Variants in PSMC3 observed in about 807,000 individuals in gnomAD.
PSMC3 encodes proteasome 26S subunit, ATPase 3.
Under a neutral mutation model 52.0 loss-of-function variants are expected in PSMC3, and 11 were observed. That is an observed-to-expected ratio of 0.21 (90% CI 0.13 to 0.35). PSMC3 has a LOEUF of 0.35. PSMC3 is among the 10% of genes least tolerant of loss of function. PSMC3 has a pLI of 1.00. For missense variants in PSMC3, 238 were observed against 567.1 expected (o/e 0.42, Z 5.89); for synonymous variants, 201 against 218.8 (o/e 0.92, Z 0.72).
At position 47,422,544 on chromosome 11, in the gene PSMC3, G is replaced by A; in HGVS notation, c.884+30C>T. 6.2e-7 allele frequency: 1 copy of A among 1,612,126 alleles called. No homozygotes were observed. Among genetic ancestry groups the A allele is most frequent in the East Asian group, 2.2e-5 (1 of 44,836 alleles). ...ACCCGCTTCCCCTTACCGCCACAGA[G>A]ATCGCTAGGGACCCTTGGCCCTCCC... On this transcript the variant is annotated intron_variant, in intron 8 of 11. Transcript: ENST00000298852. The surrounding 1 kb of genome is among the most constrained non-coding windows in gnomAD (Gnocchi z 4.3).
intron 9 of PSMC3, 105 bp from the exon 10 acceptor site, chr11:47,420,514 T>C: frequency 1.3e-6 from 2 of 1,525,342 alleles, no homozygotes; most frequent in South Asian, 1.2e-5. Context: ...GTGAGACACA[T>C]GGGATGTTAA....
rs141325867 is a variant in PSMC3 at position 47,422,103 on chromosome 11, C to T, written c.884+471G>A. 0.019 allele frequency among the ~76,000 whole-genome samples: 2,792 copies of T among 150,904 alleles called. 32 individuals carry two copies. Among genetic ancestry groups the T allele is most frequent in the African/African-American group, 0.029 (1,180 of 41,030 alleles). On this transcript the variant is annotated intron_variant, in intron 8 of 11. Transcript: ENST00000298852. This position sits in a 1 kb window ranked among gnomAD's most constrained non-coding sequence, Gnocchi z 4.3. The stretch of plus-strand genomic sequence containing the variant: ...CTTTCACCAGGCTGGAGTGCAGTGG[C>T]GCAATCTTGGCTCACTCCAATCTCT...
At position 47,426,326 on chromosome 11, in the gene PSMC3, G is replaced by T; in HGVS notation, c.-47C>A. The T allele has an allele frequency of 1.4e-6, 2 of 1,473,986 alleles. No homozygotes were observed. The highest frequency in any genetic ancestry group is 1.8e-6 in the Non-Finnish European group (2 of 1,083,832). The allele number at this position is 1,473,986 out of a possible 1,614,324, so 91.3% of individuals were successfully genotyped here. On this transcript the variant is annotated 5_prime_UTR_variant, in exon 1 of 12. Coordinates refer to ENST00000298852, the MANE Select transcript of PSMC3 (RefSeq NM_002804.5). ...GATGGGACCAGGCGGGAGCCGCAAC[G>T]GGAGATTAATACCGTCTTTCTTAAA...
At position 47,425,891 on chromosome 11, in the gene PSMC3, T is replaced by A. The variant is rs1452887727; in HGVS notation, c.135A>T (p.Thr45=). 1 of 1,614,086 alleles carries A rather than the reference T, an allele frequency of 6.2e-7. No homozygotes were observed. Among genetic ancestry groups the A allele is most frequent in the Non-Finnish European group, 8.5e-7 (1 of 1,179,894 alleles). The part of the protein sequence containing the change: ...KMSTEEIIQR[T]RLLDSEIKIM... ...CCTTGATCTCACTGTCCAGCAGCCG[T>A]GTGCGCTGGATGATCTCCTCCGTGG... is the stretch of plus-strand genomic sequence containing the variant. The change falls in exon 2 of 12, where the codon ACA becomes ACT. Residue 45 remains threonine (T), a synonymous_variant. Coordinates refer to ENST00000298852, the MANE Select transcript of PSMC3 (RefSeq NM_002804.5).
chr11:47,420,887 T>C (rs1485183011), intron 8 of PSMC3, among the ~76,000 whole-genome samples, 160 bp from the exon 9 acceptor site: 1 of 152,194 alleles, frequency 6.6e-6, no homozygotes, highest in Non-Finnish European at 1.5e-5. Flanking sequence ...AAAAGTGTCA[T>C]TAATTGTTGA....
intron 8 of PSMC3, 66 bp from the exon 9 acceptor site, chr11:47,420,793 C>T (rs2096039573): frequency 2.8e-6 from 4 of 1,445,390 alleles, no homozygotes; most frequent in Non-Finnish European, 1.9e-6. Context: ...CCCTCCTCTA[C>T]CCCCTGGAAG....
chr11:47,424,838 G>T lies in PSMC3; in HGVS notation c.286-127C>A, dbSNP rs968516512. On this transcript the variant is annotated intron_variant, in intron 3 of 11. Transcript: ENST00000298852. This position sits in a 1 kb window ranked among gnomAD's most constrained non-coding sequence, Gnocchi z 4.8. ...TCCAATAGCCCTGAGCCCACCAAAC[G>T]TGGGTGCCCCTGCTAAGCCCAGGGA... 2.6e-5 allele frequency: 24 copies of T among 916,672 alleles called. No homozygotes were observed. The highest frequency in any genetic ancestry group is 1.2e-4 in the Admixed American group (6 of 49,002). The allele number at this position is 916,672 out of a possible 1,614,324, so 56.8% of individuals were successfully genotyped here. A position where few individuals can be genotyped will look rare whatever the true frequency, so the allele number is the denominator to read the frequency against.
At position 47,422,863 on chromosome 11, in the gene PSMC3, G is replaced by T. The variant is rs941164953; in HGVS notation, c.702C>A (p.Thr234=). 1.9e-6 allele frequency: 3 copies of T among 1,612,908 alleles called. No homozygotes were observed. The highest frequency in any genetic ancestry group is 2.5e-6 in the Non-Finnish European group (3 of 1,179,328). Residue 234 remains threonine, a synonymous_variant, in exon 7 of 12, where the codon ACC becomes ACA. Coordinates refer to ENST00000298852, the MANE Select transcript of PSMC3 (RefSeq NM_002804.5). The surrounding 1 kb of genome is among the most constrained non-coding windows in gnomAD (Gnocchi z 4.3). ...LMYGPPGTGK[T]LLARACAAQT... is the part of the protein sequence containing the mutation. ...GTGCGGCACAGGCCCGGGCCAGGAGGGTCTTCCCCGTCCCTGGGGGCCCAT... is the reference window on the plus strand; with the variant it reads ...GTGCGGCACAGGCCCGGGCCAGGAGTGTCTTCCCCGTCCCTGGGGGCCCAT...
chr11:47,423,934 C>T, intron 6 of PSMC3, 112 bp downstream of exon 6: 2 of 1,469,402 alleles, frequency 1.4e-6, no homozygotes, highest in Non-Finnish European at 1.9e-6. Flanking sequence ...CCCTCCCTTC[C>T]TCCCTAGGTT....
At chr11:47,420,162 T>A in intron 10 of PSMC3, 102 bp downstream of exon 10, 1 of 1,373,472 alleles carries the variant, frequency 7.3e-7, no homozygotes. Flanking sequence ...GCCTGGGAGG[T>A]GGTGGTCGTG....
At chr11:47,425,619 AT>A (rs1315814735) in intron 2 of PSMC3, 10 of 549,700 alleles carry the variant, frequency 1.8e-5, no homozygotes. Flanking sequence ...TGAGAGGATT[AT>A]TCCCAGTTCT....
At chr11:47,419,257 A>T in intron 10 of PSMC3, 60 bp from the exon 11 acceptor site, 2 of 1,564,596 alleles carry the variant, frequency 1.3e-6, no homozygotes, top group Non-Finnish European at 1.8e-6. Flanking sequence ...AGAGGGGCCA[A>T]ATATCCTCCC....
At chr11:47,420,132 C>A in intron 10 of PSMC3, 132 bp downstream of exon 10, 2 of 1,073,054 alleles carry the variant, frequency 1.9e-6, no homozygotes, top group Non-Finnish European at 2.8e-6. Context: ...GCGTGTGGAA[C>A]GGTGCTGTGT....
chr11:47,426,175 TC>T (rs1405012433), intron 1 of PSMC3, 29 bp downstream of exon 1: 2 of 1,549,746 alleles, frequency 1.3e-6, no homozygotes, highest in Non-Finnish European at 1.7e-6. Flanking sequence ...GGGCCCCGGT[TC>T]CCGGACCGCC....
intron 10 of PSMC3, 133 bp from the exon 11 acceptor site, chr11:47,419,330 G>T: frequency 1.2e-6 from 1 of 859,406 alleles, no homozygotes; most frequent in Non-Finnish European, 1.9e-6. Context: ...CTTACTCAAT[G>T]CGCCTTGTTT....
rs373681287 is a variant in PSMC3 at position 47,424,490 on chromosome 11, G to A, written c.392C>T (p.Thr131Met). 3.1e-6 allele frequency: 5 copies of A among 1,614,126 alleles called. No homozygotes were observed. Among genetic ancestry groups the A allele is most frequent in the African/African-American group, 1.3e-5 (1 of 75,038 alleles). The change falls in exon 5 of 12, where the codon ACG becomes ATG. Residue 131 changes from threonine to methionine, a missense_variant and splice_region_variant. Thr to Met is a moderately conservative substitution (Grantham distance 81). This residue lies in a region of PSMC3 where 60 missense variants were observed against 117.3 expected (regional missense o/e 0.51). Transcript: ENST00000298852. The surrounding 1 kb of genome is among the most constrained non-coding windows in gnomAD (Gnocchi z 4.8). ...CAVIKTSTRQ[T>M]YFLPVIGLVD... is the part of the protein sequence containing the mutation. ...CAACCCAATCACAGGAAGGAAGTACGTCTGTGGACAAGTTACAGGGGCAGT... is the reference window on the plus strand; with the variant it reads ...CAACCCAATCACAGGAAGGAAGTACATCTGTGGACAAGTTACAGGGGCAGT...
chr11:47,422,496 C>T lies in PSMC3; in HGVS notation c.884+78G>A. On this transcript the variant is annotated intron_variant, in intron 8 of 11. Coordinates refer to ENST00000298852, the MANE Select transcript of PSMC3 (RefSeq NM_002804.5). The surrounding 1 kb of genome is among the most constrained non-coding windows in gnomAD (Gnocchi z 4.3). ...GGGGATACAGGGTGGGAAGGAACCA[C>T]AATTTAGCACAACTGAGAGTCAACC... The T allele has an allele frequency of 1.3e-6, 2 of 1,559,920 alleles. No individual in the cohort carries two copies. Among genetic ancestry groups the T allele is most frequent in the Non-Finnish European group, 1.7e-6 (2 of 1,144,832 alleles).
chr11:47,420,210 GA>G (rs2096038755), intron 10 of PSMC3, 53 bp downstream of exon 10: 1 of 1,592,402 alleles, frequency 6.3e-7, no homozygotes, highest in African/African-American at 1.3e-5. Flanking sequence ...GCATGGCAGA[GA>G]CATCCTCCTG....
rs980423470 is a variant in PSMC3, at chr11:47,422,006, G to A, written c.884+568C>T. Among the ~76,000 whole-genome samples the A allele has an allele frequency of 5.3e-5, 8 of 150,928 alleles. No individual in the cohort carries two copies. Among genetic ancestry groups the A allele is most frequent in the South Asian group, 4.2e-4 (2 of 4,772 alleles). On this transcript the variant is annotated intron_variant, in intron 8 of 11. Transcript: ENST00000298852. The surrounding 1 kb of genome is among the most constrained non-coding windows in gnomAD (Gnocchi z 4.3). ...GGGACCACTGTGGGTTCATGTGAGC[G>A]AGGTGGCCAGATTCCTGCTTTGGCT...
Sources: allele counts gnomAD v4.1 joint callset (sites outside exome capture counted in the v4.1 genomes callset), GRCh38; gene constraint gnomAD v4.1.1; regional missense constraint gnomAD v4.1.1; non-coding constraint Gnocchi (gnomAD v3.1); transcripts MANE v1.5; gene names NCBI Gene and HGNC (gene_info 2026-07-23, HGNC 2026-07-21).